Variants in CFAP44 observed in about 807,000 individuals in gnomAD.
CFAP44 encodes cilia and flagella associated protein 44, also known as cilia- and flagella-associated protein 44.
A neutral mutation model predicts 216.2 loss-of-function variants in CFAP44; 134 were observed. The ratio of observed to expected loss-of-function variants is 0.62; its 90% CI spans 0.54 to 0.72. CFAP44 has a LOEUF of 0.72. Ranked by LOEUF, CFAP44 falls within the 30% of genes least tolerant of loss-of-function variation. The probability of loss-of-function intolerance (pLI) is 0.00; values close to 1 mark genes in which losing one functional copy is unlikely to be tolerated. For missense variants in CFAP44, 2,035 were observed against 2,182.1 expected, an observed-to-expected ratio of 0.93 and a Z score of 1.34; for synonymous variants, 700 against 727.6, an observed-to-expected ratio of 0.96 and a Z score of 0.61.
intron 15 of CFAP44, among the ~76,000 whole-genome samples, chr3:113,381,712 A>C (rs1933515230): frequency 6.6e-6 from 1 of 152,162 alleles, no homozygotes; most frequent in South Asian, 2.1e-4. Flanking sequence ...CAGATACTTT[A>C]TTTGAAATGT....
At chr3:113,308,303 C>T (rs1170993268) in intron 28 of CFAP44, 35 bp from the exon 29 acceptor site, 5 of 1,455,308 alleles carry the variant, frequency 3.4e-6, no homozygotes, top group Non-Finnish European at 2.7e-6. Context: ...AACAAAGAAG[C>T]TTCTATATTA....
intron 28 of CFAP44, among the ~76,000 whole-genome samples, chr3:113,311,294 C>T (rs1478548970): frequency 6.6e-6 from 1 of 152,182 alleles, no homozygotes; most frequent in Non-Finnish European, 1.5e-5. Context: ...TGTGTCCCTA[C>T]TGAAATCTCA....
chr3:113,324,463 C>A (rs532247103), intron 28 of CFAP44, among the ~76,000 whole-genome samples: 1 of 152,158 alleles, frequency 6.6e-6, no homozygotes, highest in Admixed American at 6.5e-5. Context: ...ATTTAATAAT[C>A]CATAATTAGC....
chr3:113,376,565 G>A (rs1219903577), intron 17 of CFAP44, among the ~76,000 whole-genome samples: 12 of 152,176 alleles, frequency 7.9e-5, no homozygotes. Context: ...TGTCTTAGAA[G>A]CCAAGAGAAG....
intron 31 of CFAP44, 45 bp from the exon 32 acceptor site, chr3:113,304,162 A>AT (rs1411426896): frequency 1.3e-6 from 2 of 1,509,112 alleles, no homozygotes; most frequent in Non-Finnish European, 8.9e-7. Context: ...AAAAACACAG[A>AT]TTTTGTATGG....
At chr3:113,433,212 T>C (rs934464033) in intron 2 of CFAP44, among the ~76,000 whole-genome samples, 1 of 151,932 alleles carries the variant, frequency 6.6e-6, no homozygotes, top group Non-Finnish European at 1.5e-5. Flanking sequence ...GTGGATCACC[T>C]GAGGTCAGGA....
chr3:113,407,932 T>A (rs1934332242), intron 7 of CFAP44, among the ~76,000 whole-genome samples: 1 of 152,228 alleles, frequency 6.6e-6, no homozygotes, highest in South Asian at 2.1e-4. Flanking sequence ...CTGTTCAATG[T>A]CTGCCTTTTC....
Position 113,290,831 on chromosome 3 carries a change from G to A in CFAP44, c.*726C>T, listed in dbSNP as rs1949821933. Reference sequence around the variant, plus strand: ...GAAAACTTAGAATTCTGACGGAGTTGCAGAAATCTTTAAAGAAAAGCCTCT... The same window carrying A: ...GAAAACTTAGAATTCTGACGGAGTTACAGAAATCTTTAAAGAAAAGCCTCT... On this transcript the variant is annotated 3_prime_UTR_variant, in exon 35 of 35. Transcript: ENST00000393845. The A allele has an allele frequency of 6.6e-6, 1 of 152,198 alleles. No individual in the cohort carries two copies. The highest frequency in any genetic ancestry group is 2.1e-4 in the South Asian group (1 of 4,832). 9.4% of individuals were successfully genotyped at this position (152,198 alleles called of 1,614,324 possible). A position where few individuals can be genotyped will look rare whatever the true frequency, so the allele number is the denominator to read the frequency against.
rs9831793 is a variant in CFAP44, at chr3:113,288,453, G to C, written c.*3104C>G. The C allele has an allele frequency of 0.028, 4,226 of 152,200 alleles. 76 individuals are homozygous for C. The highest frequency in any genetic ancestry group is 0.065 in the Middle Eastern group (19 of 294). 9.4% of individuals were successfully genotyped at this position (152,200 alleles called of 1,614,324 possible). ...GAGAAGCAGAGCAGGGAAGAGAAGAGAAAAAATAAGATACTGTGATTTCAG... is the reference window on the plus strand; with the variant it reads ...GAGAAGCAGAGCAGGGAAGAGAAGACAAAAAATAAGATACTGTGATTTCAG... On this transcript the variant is annotated 3_prime_UTR_variant, in exon 35 of 35. Coordinates refer to ENST00000393845, the MANE Select transcript of CFAP44 (RefSeq NM_001164496.2).
intron 15 of CFAP44, among the ~76,000 whole-genome samples, chr3:113,393,593 G>A (rs990427612): frequency 5.9e-5 from 9 of 152,076 alleles, no homozygotes; most frequent in South Asian, 4.1e-4. Context: ...GCAGTGGCAC[G>A]ATCTTGGCAC....
At chr3:113,328,361 A>G (rs1950206427) in intron 26 of CFAP44, among the ~76,000 whole-genome samples, 1 of 149,690 alleles carries the variant, frequency 6.7e-6, no homozygotes, top group Non-Finnish European at 1.5e-5. Context: ...GAGCCGAAGT[A>G]TCCCAAGTCC....
intron 2 of CFAP44, among the ~76,000 whole-genome samples, chr3:113,432,791 T>C (rs1935138790): frequency 1.3e-5 from 2 of 152,346 alleles, no homozygotes; most frequent in South Asian, 4.1e-4. Flanking sequence ...CTAAAACTAA[T>C]ACCTCATTTA....
chr3:113,336,305 T>C (rs1950281525), intron 24 of CFAP44, among the ~76,000 whole-genome samples: 1 of 151,896 alleles, frequency 6.6e-6, no homozygotes, highest in Non-Finnish European at 1.5e-5. Context: ...ATCTATAACA[T>C]GGGTAAATCA....
intron 1 of CFAP44, among the ~76,000 whole-genome samples, chr3:113,436,002 C>T (rs1935230751): frequency 6.6e-6 from 1 of 150,578 alleles, no homozygotes; most frequent in South Asian, 2.1e-4. Flanking sequence ...GAATATATAC[C>T]TTTTGGGGTT....
chr3:113,377,724 C>T (rs1933388743), intron 17 of CFAP44, among the ~76,000 whole-genome samples: 1 of 152,150 alleles, frequency 6.6e-6, no homozygotes, highest in Admixed American at 6.5e-5. Flanking sequence ...ACAATCTCGG[C>T]TCACTGCAAC....
intron 21 of CFAP44, among the ~76,000 whole-genome samples, chr3:113,362,319 C>T (rs182186266): frequency 3.2e-4 from 48 of 152,170 alleles, no homozygotes; most frequent in African/African-American, 1.2e-3. Flanking sequence ...CACTAGAAGG[C>T]ACTCCTCGTG....
intron 22 of CFAP44, among the ~76,000 whole-genome samples, chr3:113,353,319 C>T (rs1176104288): frequency 1.3e-5 from 2 of 151,614 alleles, no homozygotes; most frequent in Non-Finnish European, 2.9e-5. Context: ...TGTACTAAGA[C>T]TGACTTTCCT....
Position 113,371,483 on chromosome 3 carries a change from GA to G in CFAP44, c.2444+1927del, listed in dbSNP as rs1486889438. Reference sequence around the variant, plus strand: ...TGACAAAAACAAGAAATGGGGAAAGGATTCCCTATTTAATAAATGGTTCTGG... The same window carrying G: ...TGACAAAAACAAGAAATGGGGAAAGGTTCCCTATTTAATAAATGGTTCTGG... On this transcript the variant is annotated intron_variant, in intron 18 of 34. Coordinates refer to ENST00000393845, the MANE Select transcript of CFAP44 (RefSeq NM_001164496.2). Among the ~76,000 whole-genome samples, 291 of 152,276 alleles carry G rather than the reference GA, an allele frequency of 1.9e-3. 2 individuals are homozygous for G. The highest frequency in any genetic ancestry group is 5.7e-3 in the African/African-American group (238 of 41,534).
chr3:113,401,479 A>G (rs547895024), intron 10 of CFAP44, 105 bp downstream of exon 10: 4 of 1,369,440 alleles, frequency 2.9e-6, no homozygotes, highest in East Asian at 2.4e-5. Flanking sequence ...AAGCAATCTC[A>G]TAACACTTAC....
Sources: gnomAD v4.1 joint callset for allele counts (sites outside exome capture counted in the v4.1 genomes callset) on GRCh38, gnomAD v4.1.1 for gene constraint, MANE v1.5 for transcripts, NCBI Gene and HGNC (gene_info 2026-07-23, HGNC 2026-07-21) for gene names.